The following CHN1 variants were observed in gnomAD, a reference collection of about 807,000 sequenced individuals.
The protein encoded by CHN1 is N-chimaerin.
Under a neutral mutation model 59.5 loss-of-function variants are expected in CHN1, and 37 were observed. The ratio of observed to expected loss-of-function variants is 0.62; its 90% CI spans 0.48 to 0.82. The LOEUF (loss-of-function observed/expected upper bound fraction) is 0.82. Among genes scored for constraint, CHN1 ranks in the 40% least tolerant of loss-of-function variants. The probability of loss-of-function intolerance (pLI) is 0.00; values close to 1 mark genes in which losing one functional copy is unlikely to be tolerated. For missense variants in CHN1, 469 were observed against 571.0 expected, an observed-to-expected ratio of 0.82 and a Z score of 1.82; for synonymous variants, 206 against 200.4, an observed-to-expected ratio of 1.03 and a Z score of -0.24.
At chr2:174,939,275 C>T (rs1241160662) in intron 3 of CHN1, among the ~76,000 whole-genome samples, 1 of 152,146 alleles carries the variant, frequency 6.6e-6, no homozygotes, top group Non-Finnish European at 1.5e-5. Context: ...CAGCTTAGCT[C>T]TTCAAAAGTG....
At chr2:174,873,634 G>A (rs1687474950) in intron 6 of CHN1, among the ~76,000 whole-genome samples, 1 of 152,160 alleles carries the variant, frequency 6.6e-6, no homozygotes, top group Non-Finnish European at 1.5e-5. Flanking sequence ...TCATTCTGTG[G>A]AGGTATCCAA....
intron 2 of CHN1, 132 bp from the exon 3 acceptor site, chr2:174,945,075 T>A: frequency 1.6e-6 from 1 of 629,964 alleles, no homozygotes. Flanking sequence ...AATTGTGTTA[T>A]GAACAAAACA....
intron 1 of CHN1, among the ~76,000 whole-genome samples, chr2:174,996,251 T>C (rs577791290): frequency 2.0e-5 from 3 of 152,306 alleles, no homozygotes; most frequent in African/African-American, 7.2e-5. Context: ...AGAAACCTAC[T>C]TGATCTTCAC....
intron 12 of CHN1, among the ~76,000 whole-genome samples, chr2:174,801,421 A>G (rs1684717722): frequency 6.6e-6 from 1 of 152,212 alleles, no homozygotes; most frequent in Non-Finnish European, 1.5e-5. Flanking sequence ...TCTTTCCACA[A>G]AAATTAGTGC....
chr2:174,955,213 ATATATC>A (rs1690166439), intron 1 of CHN1, among the ~76,000 whole-genome samples: 2 of 42,804 alleles, frequency 4.7e-5, no homozygotes, highest in African/African-American at 3.0e-4. Flanking sequence ...TGATATATAT[ATATATC>A]TATATAGATA....
chr2:174,864,590 G>T (rs1687160094), intron 6 of CHN1, among the ~76,000 whole-genome samples: 1 of 151,972 alleles, frequency 6.6e-6, no homozygotes, highest in Admixed American at 6.6e-5. Context: ...ACATGTTCTG[G>T]CTGGGCACAG....
At chr2:174,923,195 C>T (rs1689067991) in intron 3 of CHN1, among the ~76,000 whole-genome samples, 1 of 151,764 alleles carries the variant, frequency 6.6e-6, no homozygotes, top group Non-Finnish European at 1.5e-5. Flanking sequence ...AGCTAGAGTG[C>T]AGTGGCTTGA....
chr2:174,886,068 G>A (rs1221674636), intron 5 of CHN1, among the ~76,000 whole-genome samples: 1 of 152,170 alleles, frequency 6.6e-6, no homozygotes, highest in Non-Finnish European at 1.5e-5. Context: ...AGGATAAAAA[G>A]TCACACCATG....
At chr2:174,956,537 A>AAC (rs1690209239) in intron 1 of CHN1, among the ~76,000 whole-genome samples, 1 of 152,136 alleles carries the variant, frequency 6.6e-6, no homozygotes, top group African/African-American at 2.4e-5. Flanking sequence ...TTGGGAGGCC[A>AAC]AGAGGGGCGG....
At chr2:174,946,008 C>T (rs944622971) in intron 2 of CHN1, among the ~76,000 whole-genome samples, 9 of 151,824 alleles carry the variant, frequency 5.9e-5, no homozygotes, top group South Asian at 2.1e-4. Context: ...CACACATACA[C>T]GTAACTGTGA....
intron 2 of CHN1, among the ~76,000 whole-genome samples, chr2:174,951,377 C>A (rs1690021177): frequency 6.6e-6 from 1 of 152,168 alleles, no homozygotes; most frequent in African/African-American, 2.4e-5. Flanking sequence ...CAGCAACCTA[C>A]AATCATCAGA....
intron 8 of CHN1, 53 bp from the exon 9 acceptor site, chr2:174,812,535 G>T (rs1685112271): frequency 1.8e-5 from 28 of 1,576,202 alleles, no homozygotes; most frequent in Non-Finnish European, 2.1e-5. Context: ...AGAGTTTTGA[G>T]CATTCTGGAG....
intron 7 of CHN1, among the ~76,000 whole-genome samples, chr2:174,835,743 A>G (rs1305276029): frequency 6.6e-6 from 1 of 152,068 alleles, no homozygotes; most frequent in East Asian, 1.9e-4. Flanking sequence ...GGATTTTTAA[A>G]GACAGCTTCC....
intron 5 of CHN1, among the ~76,000 whole-genome samples, chr2:174,881,253 TG>T (rs1163403212): frequency 6.6e-6 from 1 of 152,198 alleles, no homozygotes; most frequent in Non-Finnish European, 1.5e-5. Flanking sequence ...TCAGAGCTAC[TG>T]CTTATGTCCA....
rs1267372178 is a variant in CHN1 at position 174,940,263 on chromosome 2, G to A, written c.114+4625C>T. ...AGGCTAGTCTTGATCTCCTGATCTCGTGATCCACCCGCCTTAGCCTCCCAA... is the reference window on the plus strand; with the variant it reads ...AGGCTAGTCTTGATCTCCTGATCTCATGATCCACCCGCCTTAGCCTCCCAA... On this transcript the variant is annotated intron_variant, in intron 3 of 12. Transcript: ENST00000409900. 5.9e-5 allele frequency among the ~76,000 whole-genome samples: 9 copies of A among 152,146 alleles called. No homozygotes were observed. The East Asian group carries it at 7.7e-4, about 13-fold the overall frequency.
chr2:174,999,646 G>A (rs1691821789), intron 1 of CHN1, among the ~76,000 whole-genome samples: 1 of 152,144 alleles, frequency 6.6e-6, no homozygotes, highest in Non-Finnish European at 1.5e-5. Context: ...TATTCTCAAT[G>A]AGTTGAGGAG....
intron 5 of CHN1, among the ~76,000 whole-genome samples, chr2:174,892,183 T>G (rs1298549940): frequency 3.3e-5 from 5 of 152,142 alleles, no homozygotes; most frequent in Non-Finnish European, 7.4e-5. Context: ...AAAAGAATAA[T>G]TGCCATTCCT....
At chr2:174,809,651 T>C (rs538598015) in intron 10 of CHN1, among the ~76,000 whole-genome samples, 1 of 152,264 alleles carries the variant, frequency 6.6e-6, no homozygotes, top group South Asian at 2.1e-4. Context: ...GTATTATCTA[T>C]TTACTTATTT....
At chr2:174,833,840 G>T in intron 7 of CHN1, among the ~76,000 whole-genome samples, 1 of 148,622 alleles carries the variant, frequency 6.7e-6, no homozygotes. Context: ...CACCCAGGTT[G>T]GAGTGCAGTG....
Sources: gnomAD v4.1 joint callset for allele counts (sites outside exome capture counted in the v4.1 genomes callset) on GRCh38, gnomAD v4.1.1 for gene constraint, MANE v1.5 for transcripts, NCBI Gene and HGNC (gene_info 2026-07-23, HGNC 2026-07-21) for gene names.